Variants in AGBL4 observed in about 807,000 individuals in gnomAD.
The protein encoded by AGBL4 is cytosolic carboxypeptidase 6.
AGBL4 carries 58 observed loss-of-function variants against 66.4 expected under a neutral mutation model. That is an observed-to-expected ratio of 0.87 (90% CI 0.71 to 1.09). The LOEUF is 1.09. AGBL4 is among the 50% of genes least tolerant of loss of function. AGBL4 has a pLI of 0.00. For synonymous variants in AGBL4, 234 were observed against 222.9 expected (o/e 1.05, Z -0.44); for missense variants, 579 against 631.0 (o/e 0.92, Z 0.88).
At position 49,724,755 on chromosome 1, in the gene AGBL4, G is replaced by T. The variant is rs374866048; in HGVS notation, c.158-27318C>A. 3.2e-4 allele frequency among the ~76,000 whole-genome samples: 48 copies of T among 152,172 alleles called. 1 individual carries two copies. In the South Asian group the frequency reaches 9.3e-3, roughly 30 times the overall value. On this transcript the variant is annotated intron_variant, in intron 2 of 13. Transcript: ENST00000371839. ...CAGGATTAGTGTTCTTATAAGAAGA[G>T]ACACCAGAAAGATATATATATATAT... is the stretch of plus-strand genomic sequence containing the variant.
At chr1:48,693,409 C>A (rs2148495506) in intron 6 of AGBL4, among the ~76,000 whole-genome samples, 1 of 152,328 alleles carries the variant, frequency 6.6e-6, no homozygotes, top group African/African-American at 2.4e-5. Flanking sequence ...TCCCAGAGTC[C>A]TTGACCCATG....
chr1:49,989,203 A>G (rs1452436338), intron 1 of AGBL4, among the ~76,000 whole-genome samples: 2 of 152,216 alleles, frequency 1.3e-5, no homozygotes, highest in Admixed American at 1.3e-4. Context: ...ACATCAACAT[A>G]AAATAATGGA....
At chr1:48,728,664 C>T (rs1647604688) in intron 6 of AGBL4, among the ~76,000 whole-genome samples, 1 of 152,122 alleles carries the variant, frequency 6.6e-6, no homozygotes, top group Admixed American at 6.5e-5. Flanking sequence ...CTGGCACATG[C>T]CTCTGGGGAA....
At chr1:49,112,256 T>C (rs1645427130) in intron 4 of AGBL4, among the ~76,000 whole-genome samples, 1 of 152,178 alleles carries the variant, frequency 6.6e-6, no homozygotes, top group Non-Finnish European at 1.5e-5. Flanking sequence ...GTGATAGAAA[T>C]AGAGTTCCTT....
At chr1:49,305,303 C>T (rs984651921) in intron 3 of AGBL4, among the ~76,000 whole-genome samples, 2 of 152,122 alleles carry the variant, frequency 1.3e-5, no homozygotes, top group Admixed American at 6.6e-5. Context: ...AAACCAATTA[C>T]AGTCATCCCT....
At chr1:48,537,603 C>T (rs547001988) in intron 12 of AGBL4, among the ~76,000 whole-genome samples, 11 of 152,310 alleles carry the variant, frequency 7.2e-5, no homozygotes, top group African/African-American at 2.6e-4. Flanking sequence ...TCCCCATGTC[C>T]TCATCTGTAT....
chr1:49,194,455 T>C (rs1360727118), intron 4 of AGBL4, among the ~76,000 whole-genome samples: 8 of 152,220 alleles, frequency 5.3e-5, no homozygotes, highest in African/African-American at 9.6e-5. Flanking sequence ...TGGATCATGA[T>C]TTTATTTCCA....
chr1:50,020,975 G>T (rs1662401890), intron 1 of AGBL4, among the ~76,000 whole-genome samples: 3 of 152,118 alleles, frequency 2.0e-5, no homozygotes, highest in African/African-American at 7.2e-5. Context: ...AGTGGTAAAA[G>T]ACAATAAGGG....
chr1:49,501,297 GA>G (rs1442273696), intron 3 of AGBL4, among the ~76,000 whole-genome samples: 10 of 152,080 alleles, frequency 6.6e-5, no homozygotes, highest in Non-Finnish European at 1.5e-5. Context: ...GTTCCTGAAA[GA>G]ATTATGGTTT....
chr1:49,909,293 T>C (rs1650586185), intron 1 of AGBL4, among the ~76,000 whole-genome samples: 1 of 152,174 alleles, frequency 6.6e-6, no homozygotes. Flanking sequence ...TACCCACATA[T>C]ATACATAAGT....
intron 3 of AGBL4, among the ~76,000 whole-genome samples, chr1:49,481,299 ATT>A (rs1646951181): frequency 6.6e-6 from 1 of 151,830 alleles, no homozygotes; most frequent in Admixed American, 6.6e-5. Context: ...GTCATCTCTG[ATT>A]TGAGTGGTTG....
chr1:48,988,318 A>AG (rs959685590), intron 5 of AGBL4, among the ~76,000 whole-genome samples: 3 of 152,182 alleles, frequency 2.0e-5, no homozygotes, highest in East Asian at 1.9e-4. Flanking sequence ...TTCACTGAAT[A>AG]GGGGGGGCTT....
At chr1:48,777,487 GCTTT>G (rs960611004) in intron 6 of AGBL4, among the ~76,000 whole-genome samples, 3 of 151,162 alleles carry the variant, frequency 2.0e-5, no homozygotes, top group South Asian at 4.2e-4. Context: ...CCTTTTCTTT[GCTTT>G]CTTTCTTTTT....
chr1:48,537,057 A>C (rs1247381332), intron 12 of AGBL4, among the ~76,000 whole-genome samples: 1 of 152,202 alleles, frequency 6.6e-6, no homozygotes, highest in Non-Finnish European at 1.5e-5. Context: ...TTGAGTCAAA[A>C]CATGTAATTT....
At chr1:48,670,784 G>A (rs1202588785) in intron 6 of AGBL4, among the ~76,000 whole-genome samples, 1 of 152,202 alleles carries the variant, frequency 6.6e-6, no homozygotes, top group Non-Finnish European at 1.5e-5. Context: ...CTCCAGAAAG[G>A]CAGAGCCAGA....
intron 3 of AGBL4, among the ~76,000 whole-genome samples, chr1:49,488,780 T>C (rs1181433389): frequency 6.6e-6 from 1 of 151,872 alleles, no homozygotes; most frequent in Non-Finnish European, 1.5e-5. Context: ...CTTCCACAAA[T>C]AAGTGAGAAC....
intron 5 of AGBL4, among the ~76,000 whole-genome samples, chr1:48,928,868 T>C (rs1427642928): frequency 6.6e-6 from 1 of 152,212 alleles, no homozygotes; most frequent in Non-Finnish European, 1.5e-5. Flanking sequence ...TTTACTTTCC[T>C]GCAAAATCTT....
chr1:49,992,732 A>T (rs1660055173), intron 1 of AGBL4, among the ~76,000 whole-genome samples: 1 of 151,928 alleles, frequency 6.6e-6, no homozygotes, highest in Non-Finnish European at 1.5e-5. Context: ...TCCTTTTTGT[A>T]TCCATCCAAT....
intron 2 of AGBL4, among the ~76,000 whole-genome samples, chr1:49,758,796 A>G (rs1652092004): frequency 6.6e-6 from 1 of 151,574 alleles, no homozygotes; most frequent in Admixed American, 6.6e-5. Context: ...TTAATGCTGG[A>G]ATGACTTAGG....
Sources: gnomAD v4.1 joint callset for allele counts (sites outside exome capture counted in the v4.1 genomes callset) on GRCh38, gnomAD v4.1.1 for gene constraint, MANE v1.5 for transcripts, NCBI Gene and HGNC (gene_info 2026-07-23, HGNC 2026-07-21) for gene names.